PARD3: variants seen among roughly 807,000 people sequenced by gnomAD.
The protein encoded by PARD3 is partitioning defective 3 homolog.
In PARD3, 75 loss-of-function variants were observed where a neutral mutation model predicts 155.4. That is an observed-to-expected ratio of 0.48 (90% CI 0.40 to 0.58). The LOEUF (loss-of-function observed/expected upper bound fraction) is 0.58, where lower values mean the gene tolerates loss of function less well. PARD3 is among the 20% of genes least tolerant of loss of function. The pLI is 0.00. For missense variants in PARD3, 1,642 were observed against 1,721.7 expected (o/e 0.95, Z 0.82); for synonymous variants, 576 against 610.5 (o/e 0.94, Z 0.83).
intron 1 of PARD3, among the ~76,000 whole-genome samples, chr10:34,773,988 T>G (rs1019879526): frequency 1.3e-5 from 2 of 152,150 alleles, no homozygotes; most frequent in African/African-American, 4.8e-5. Context: ...TAAAATGTGC[T>G]TTACTTTAAG....
At chr10:34,450,235 T>C in intron 5 of PARD3, 82 bp downstream of exon 5, 1 of 1,271,820 alleles carries the variant, frequency 7.9e-7, no homozygotes, top group Non-Finnish European at 1.1e-6. Flanking sequence ...TCATCACCAG[T>C]GATTGAGATG....
chr10:34,309,547 C>CAAAAAAA lies in PARD3; in HGVS notation c.3065+7559_3065+7560insTTTTTTT, dbSNP rs1323865538. 1.1e-3 allele frequency among the ~76,000 whole-genome samples: 50 copies of CAAAAAAA among 46,648 alleles called. 1 individual carries two copies. The highest frequency in any genetic ancestry group is 0.01 in the Admixed American group (35 of 3,346). The allele number at this position is 46,648 out of a possible 152,430, so 30.6% of individuals were successfully genotyped here. ...ACTCCTGCTGAGCAAGACCCTGTCT[C>CAAAAAAA]CAAAAAAAAAAAAAAAAAAAAAAAA... is the stretch of plus-strand genomic sequence containing the variant. On this transcript the variant is annotated intron_variant, in intron 20 of 24. Coordinates refer to ENST00000374788, the MANE Select transcript of PARD3 (RefSeq NM_001184785.2).
At chr10:34,278,688 T>C (rs1468234349) in intron 21 of PARD3, among the ~76,000 whole-genome samples, 1 of 152,170 alleles carries the variant, frequency 6.6e-6, no homozygotes, top group African/African-American at 2.4e-5. Context: ...TCTGCCATGA[T>C]TGTAAGTTTC....
intron 20 of PARD3, among the ~76,000 whole-genome samples, chr10:34,302,189 T>C (rs1957187524): frequency 6.6e-6 from 1 of 152,192 alleles, no homozygotes; most frequent in South Asian, 2.1e-4. Context: ...TTCCACCATC[T>C]AAATGGTGTT....
chr10:34,575,086 C>G lies in PARD3; in HGVS notation c.223-57927G>C, dbSNP rs116640692. ...TAGCTCATGCCTGGGCTCAAGCAATCCTCCTGCCTCAACCTCCCAAAGTGC... is the reference window on the plus strand; with the variant it reads ...TAGCTCATGCCTGGGCTCAAGCAATGCTCCTGCCTCAACCTCCCAAAGTGC... On this transcript the variant is annotated intron_variant, in intron 2 of 24. Transcript: ENST00000374788. 1.0e-2 allele frequency among the ~76,000 whole-genome samples: 1,515 copies of G among 152,236 alleles called. 24 individuals are homozygous for G. Among genetic ancestry groups the G allele is most frequent in the African/African-American group, 0.035 (1,455 of 41,546 alleles).
chr10:34,179,884 C>A (rs1950195318), intron 22 of PARD3, among the ~76,000 whole-genome samples: 1 of 151,734 alleles, frequency 6.6e-6, no homozygotes, highest in African/African-American at 2.4e-5. Context: ...AGCAGGTGTG[C>A]TTTAGGAGGG....
chr10:34,671,425 T>C (rs148092845), intron 2 of PARD3, among the ~76,000 whole-genome samples: 63 of 152,248 alleles, frequency 4.1e-4, no homozygotes, highest in African/African-American at 1.4e-3. Context: ...AACACATTCA[T>C]CTAGGCCACA....
chr10:34,813,977 G>A (rs1190257507), intron 1 of PARD3, among the ~76,000 whole-genome samples: 2 of 152,236 alleles, frequency 1.3e-5, no homozygotes, highest in Non-Finnish European at 2.9e-5. Flanking sequence ...CTGACACACA[G>A]TAGAGGAATG....
At chr10:34,730,847 G>A (rs1034279416) in intron 1 of PARD3, among the ~76,000 whole-genome samples, 17 of 152,162 alleles carry the variant, frequency 1.1e-4, no homozygotes, top group African/African-American at 2.4e-4. Flanking sequence ...CCTGCAAAGC[G>A]AGTAGACGCT....
intron 22 of PARD3, among the ~76,000 whole-genome samples, chr10:34,142,619 G>A (rs956109945): frequency 6.6e-6 from 1 of 151,404 alleles, no homozygotes; most frequent in Non-Finnish European, 1.5e-5. Context: ...AAGGAAAGAC[G>A]GATGGAAGGA....
chr10:34,148,127 C>T (rs926548686), intron 22 of PARD3, among the ~76,000 whole-genome samples: 3 of 152,146 alleles, frequency 2.0e-5, no homozygotes, highest in Admixed American at 6.5e-5. Flanking sequence ...CTGACAAACA[C>T]ACTGACATAC....
At chr10:34,421,308 C>T (rs562169645) in intron 5 of PARD3, among the ~76,000 whole-genome samples, 153 of 150,014 alleles carry the variant, frequency 1.0e-3, no homozygotes, top group African/African-American at 3.7e-3. Context: ...ATTATTATAA[C>T]TAGTTATTTA....
chr10:34,276,265 G>T (rs904411130), intron 21 of PARD3, among the ~76,000 whole-genome samples: 4 of 151,746 alleles, frequency 2.6e-5, no homozygotes, highest in Non-Finnish European at 4.4e-5. Flanking sequence ...AAAATAAAGT[G>T]TTCCATTATG....
At chr10:34,719,507 T>C (rs1204430310) in intron 1 of PARD3, among the ~76,000 whole-genome samples, 9 of 152,166 alleles carry the variant, frequency 5.9e-5, no homozygotes, top group African/African-American at 2.2e-4. Context: ...CTAAAATAAA[T>C]AGCAGGTCAA....
At chr10:34,131,319 T>C in intron 23 of PARD3, 144 bp downstream of exon 23, 1 of 767,686 alleles carries the variant, frequency 1.3e-6, no homozygotes, top group Middle Eastern at 3.9e-4. Flanking sequence ...CAGATGGAAA[T>C]GAGGAAAAGG....
chr10:34,244,663 AAAAATCTTAT>A lies in PARD3; in HGVS notation c.3419+24984_3419+24993del, dbSNP rs536598464. 2.8e-4 allele frequency among the ~76,000 whole-genome samples: 42 copies of A among 152,352 alleles called. No homozygotes were observed. The South Asian group carries it at 8.5e-3, about 31-fold the overall frequency. On this transcript the variant is annotated intron_variant, in intron 22 of 24. Coordinates refer to ENST00000374788, the MANE Select transcript of PARD3 (RefSeq NM_001184785.2). Reference sequence around the variant, plus strand: ...TGTCCCATGTCATTGATATGTTACTAAAAATCTTATACAATCTAATTTTAAAAATTGAATC... The same window carrying A: ...TGTCCCATGTCATTGATATGTTACTAACAATCTAATTTTAAAAATTGAATC...
chr10:34,587,614 T>C (rs548971802), intron 2 of PARD3, among the ~76,000 whole-genome samples: 1 of 152,290 alleles, frequency 6.6e-6, no homozygotes, highest in East Asian at 1.9e-4. Context: ...GCAAGTTATA[T>C]ATTATAATCA....
At chr10:34,804,128 G>A (rs370660608) in intron 1 of PARD3, among the ~76,000 whole-genome samples, 5 of 151,626 alleles carry the variant, frequency 3.3e-5, no homozygotes, top group African/African-American at 1.2e-4. Flanking sequence ...CTGCCTCCCG[G>A]GTTCAAGCCA....
intron 1 of PARD3, among the ~76,000 whole-genome samples, chr10:34,799,610 T>C (rs1226111395): frequency 6.6e-6 from 1 of 152,164 alleles, no homozygotes; most frequent in Non-Finnish European, 1.5e-5. Context: ...TACTCTTTCT[T>C]ATGGAATTGC....
Sources: gnomAD v4.1 joint callset for allele counts (sites outside exome capture counted in the v4.1 genomes callset) on GRCh38, gnomAD v4.1.1 for gene constraint, MANE v1.5 for transcripts, NCBI Gene and HGNC (gene_info 2026-07-23, HGNC 2026-07-21) for gene names.